SAMD12: variants seen among roughly 807,000 people sequenced by gnomAD.
SAMD12 encodes sterile alpha motif domain containing 12, also known as sterile alpha motif domain-containing protein 12.
In SAMD12, 9 loss-of-function variants were observed where a neutral mutation model predicts 15.0. The ratio of observed to expected loss-of-function variants is 0.60; its 90% confidence interval spans 0.36 to 1.05. SAMD12 has a LOEUF of 1.05. Among genes scored for constraint, SAMD12 ranks in the 50% least tolerant of loss-of-function variants. The pLI, the probability that SAMD12 is intolerant of heterozygous loss-of-function variation, is 0.01. For synonymous variants in SAMD12, 86 were observed against 90.1 expected (o/e 0.96, Z 0.25); for missense variants, 230 against 234.2 (o/e 0.98, Z 0.12).
At chr8:118,461,807 G>T (rs936085426) in intron 2 of SAMD12, among the ~76,000 whole-genome samples, 5 of 152,168 alleles carry the variant, frequency 3.3e-5, no homozygotes, top group Admixed American at 3.3e-4. Flanking sequence ...AGAAGACTGA[G>T]AATACCCATC....
Position 118,204,481 on chromosome 8 carries a change from A to G in SAMD12, c.434-6749T>C, listed in dbSNP as rs17484867. Among the ~76,000 whole-genome samples the G allele has an allele frequency of 5.0e-3, 759 of 152,244 alleles. 8 individuals are homozygous for G. The highest frequency in any genetic ancestry group is 0.017 in the African/African-American group (727 of 41,548). ...GTCAGAATCTCCAAAGAGGCCGGACATGGTGGCTCATGCCTGTAATCCCAG... is the reference window on the plus strand; with the variant it reads ...GTCAGAATCTCCAAAGAGGCCGGACGTGGTGGCTCATGCCTGTAATCCCAG... On this transcript the variant is annotated intron_variant, in intron 4 of 4. Transcript: ENST00000409003.
At chr8:118,233,274 C>T (rs1420620292) in intron 4 of SAMD12, among the ~76,000 whole-genome samples, 1 of 152,178 alleles carries the variant, frequency 6.6e-6, no homozygotes, top group Admixed American at 6.5e-5. Context: ...CTGTAACTTT[C>T]TTTGGCTGAG....
intron 2 of SAMD12, among the ~76,000 whole-genome samples, chr8:118,450,874 T>C (rs997748042): frequency 6.6e-6 from 1 of 152,160 alleles, no homozygotes; most frequent in Non-Finnish European, 1.5e-5. Context: ...TTCTTTTGCT[T>C]TTCTGAAACC....
chr8:118,197,529 C>A (rs940380307), exon 5 of SAMD12: 3 of 668,744 alleles, frequency 4.5e-6, no homozygotes, highest in Non-Finnish European at 8.1e-6. Context: ...AAATCCACAG[C>A]AAAGCAAGAT....
chr8:118,185,137 A>T (rs567577716), downstream of SAMD12, among the ~76,000 whole-genome samples: 1 of 152,304 alleles, frequency 6.6e-6, no homozygotes, highest in Non-Finnish European at 1.5e-5. Context: ...AATATTTGTA[A>T]AATGAAAACA....
chr8:118,228,783 C>T (rs1812240004), intron 4 of SAMD12, among the ~76,000 whole-genome samples: 1 of 152,120 alleles, frequency 6.6e-6, no homozygotes, highest in South Asian at 2.1e-4. Context: ...AATCCCACTA[C>T]TGGGTATCTA....
At chr8:118,614,374 C>G (rs765040834) in intron 1 of SAMD12, among the ~76,000 whole-genome samples, 3 of 152,138 alleles carry the variant, frequency 2.0e-5, no homozygotes, top group Non-Finnish European at 4.4e-5. Context: ...GTGAATTACC[C>G]AGGCACTCAG....
chr8:118,364,285 G>A (rs1818655355), intron 4 of SAMD12, among the ~76,000 whole-genome samples: 2 of 152,174 alleles, frequency 1.3e-5, no homozygotes, highest in African/African-American at 4.8e-5. Context: ...TGGGGAAATA[G>A]GAGGTGGAAT....
intron 3 of SAMD12, among the ~76,000 whole-genome samples, chr8:118,396,174 TG>T (rs1175918339): frequency 6.6e-6 from 1 of 152,138 alleles, no homozygotes; most frequent in Non-Finnish European, 1.5e-5. Flanking sequence ...TGCAGGTTGG[TG>T]TCTCCACATG....
At chr8:118,615,695 A>T (rs901913220) in intron 1 of SAMD12, among the ~76,000 whole-genome samples, 9 of 152,216 alleles carry the variant, frequency 5.9e-5, no homozygotes, top group Admixed American at 5.9e-4. Flanking sequence ...AGCATTACAG[A>T]ACACAGCTAC....
At chr8:118,164,854 C>T in the SAMD12 span, among the ~76,000 whole-genome samples, 2 of 151,086 alleles carry the variant, frequency 1.3e-5, no homozygotes, top group South Asian at 2.1e-4. Flanking sequence ...TATATATATA[C>T]ACACACACAC....
intron 4 of SAMD12, chr8:118,284,391 T>A: frequency 2.2e-6 from 1 of 453,752 alleles, no homozygotes; most frequent in South Asian, 1.5e-5. Context: ...AATCAGAATA[T>A]CCTGTTTTGA....
downstream of SAMD12, among the ~76,000 whole-genome samples, chr8:118,188,538 T>C (rs1002381291): frequency 1.3e-5 from 2 of 152,178 alleles, no homozygotes; most frequent in Non-Finnish European, 2.9e-5. Context: ...AAGCATGTAA[T>C]AAAAAAGGCA....
chr8:118,236,551 A>G (rs1019271086), intron 4 of SAMD12, among the ~76,000 whole-genome samples: 5 of 152,184 alleles, frequency 3.3e-5, no homozygotes, highest in African/African-American at 4.8e-5. Flanking sequence ...ATAAATATAA[A>G]ATAATGGATT....
At chr8:118,197,608 T>C (rs1486586904) in exon 5 of SAMD12, 1 of 991,332 alleles carries the variant, frequency 1.0e-6, no homozygotes, top group East Asian at 2.4e-5. Context: ...CTGTCCACGA[T>C]CCAAGGATAT....
At chr8:118,445,174 CACAT>C (rs1448097528) in intron 2 of SAMD12, among the ~76,000 whole-genome samples, 1 of 152,146 alleles carries the variant, frequency 6.6e-6, no homozygotes, top group East Asian at 1.9e-4. Context: ...AGGAAACACA[CACAT>C]ACACAACAAA....
chr8:118,156,705 T>C, the SAMD12 span, among the ~76,000 whole-genome samples: 4 of 152,148 alleles, frequency 2.6e-5, no homozygotes, highest in South Asian at 2.1e-4. Context: ...AAAGTTATCA[T>C]ATAGAAAAGG....
At chr8:118,283,568 A>T (rs1218067548) in intron 4 of SAMD12, among the ~76,000 whole-genome samples, 1 of 152,206 alleles carries the variant, frequency 6.6e-6, no homozygotes, top group Non-Finnish European at 1.5e-5. Context: ...GGCACATAAG[A>T]TGAAGCCATA....
chr8:118,500,447 C>A (rs1386776881), intron 2 of SAMD12, among the ~76,000 whole-genome samples: 3 of 151,752 alleles, frequency 2.0e-5, no homozygotes, highest in Admixed American at 2.0e-4. Flanking sequence ...GTGATTAGAA[C>A]CATGCCTAGG....
Sources: allele counts gnomAD v4.1 joint callset (sites outside exome capture counted in the v4.1 genomes callset), GRCh38; gene constraint gnomAD v4.1.1; transcripts MANE v1.5; gene names NCBI Gene and HGNC (gene_info 2026-07-23, HGNC 2026-07-21).